The following MPP7 variants were observed in gnomAD, a reference collection of about 807,000 sequenced individuals.
The protein encoded by MPP7 is MAGUK p55 subfamily member 7.
A neutral mutation model predicts 76.5 loss-of-function variants in MPP7; 60 were observed. That is an observed-to-expected ratio of 0.78 (90% CI 0.64 to 0.97). MPP7 has a LOEUF of 0.97. Ranked by LOEUF, MPP7 falls within the 50% of genes least tolerant of loss-of-function variation. MPP7 has a pLI of 0.00. For missense variants in MPP7, 641 were observed against 694.0 expected, an observed-to-expected ratio of 0.92 and a Z score of 0.86; for synonymous variants, 237 against 244.5, an observed-to-expected ratio of 0.97 and a Z score of 0.29.
chr10:28,124,465 G>GTTTTTT (rs1564643966), intron 7 of MPP7, among the ~76,000 whole-genome samples: 2 of 98,006 alleles, frequency 2.0e-5, no homozygotes, highest in African/African-American at 8.2e-5. Context: ...GAAGAAACAA[G>GTTTTTT]ATTTTTTTTT....
chr10:28,105,446 G>T (rs892907193), intron 11 of MPP7, among the ~76,000 whole-genome samples: 2 of 152,154 alleles, frequency 1.3e-5, no homozygotes, highest in African/African-American at 4.8e-5. Context: ...GAATGGTGTG[G>T]ACTGCGATGA....
chr10:28,086,890 A>G (rs750012441), intron 12 of MPP7, among the ~76,000 whole-genome samples: 15 of 152,208 alleles, frequency 9.9e-5, no homozygotes, highest in Non-Finnish European at 1.6e-4. Context: ...TCTGAAAGGC[A>G]AACAAAACCA....
chr10:28,188,540 A>G (rs1837308428), intron 3 of MPP7, among the ~76,000 whole-genome samples: 2 of 152,182 alleles, frequency 1.3e-5, no homozygotes, highest in African/African-American at 4.8e-5. Flanking sequence ...TAACATTATC[A>G]TGAGATCATC....
At chr10:28,107,109 C>G (rs896744976) in intron 11 of MPP7, among the ~76,000 whole-genome samples, 1 of 152,140 alleles carries the variant, frequency 6.6e-6, no homozygotes, top group Non-Finnish European at 1.5e-5. Context: ...TATGATCTCA[C>G]CTTATCCAGT....
At chr10:28,128,967 T>A (rs1257616144) in intron 6 of MPP7, among the ~76,000 whole-genome samples, 2 of 152,166 alleles carry the variant, frequency 1.3e-5, no homozygotes, top group Non-Finnish European at 2.9e-5. Context: ...CCTGATAGAA[T>A]CTTCTTGCTA....
At chr10:28,264,990 G>A (rs1352735110) in intron 1 of MPP7, among the ~76,000 whole-genome samples, 8 of 152,178 alleles carry the variant, frequency 5.3e-5, no homozygotes, top group Non-Finnish European at 1.0e-4. Flanking sequence ...AGTTTCATTA[G>A]TGGAGATTAT....
At chr10:28,237,482 T>C (rs1054888073) in intron 2 of MPP7, among the ~76,000 whole-genome samples, 2 of 152,196 alleles carry the variant, frequency 1.3e-5, no homozygotes, top group Admixed American at 6.5e-5. Context: ...AAATCATTCT[T>C]GATGGATAAA....
chr10:28,275,976 C>T (rs1271430), intron 1 of MPP7, among the ~76,000 whole-genome samples: 1 of 151,358 alleles, frequency 6.6e-6, no homozygotes, highest in Non-Finnish European at 1.5e-5. Flanking sequence ...CATAGTAGGT[C>T]TGCAATAAAG....
chr10:28,320,002 G>A lies in MPP7; in HGVS notation c.-132+9927C>T, dbSNP rs193002433. Among the ~76,000 whole-genome samples, 205 of 152,038 alleles carry A rather than the reference G, an allele frequency of 1.3e-3. 1 individual carries two copies. The highest frequency in any genetic ancestry group is 4.8e-3 in the African/African-American group (198 of 41,442). On this transcript the variant is annotated intron_variant, in intron 2 of 11. Coordinates refer to the MPP7 transcript ENST00000441595. The stretch of plus-strand genomic sequence containing the variant: ...TTTTATTCACCCAAATTATTCTTTC[G>A]GTGCCCTCTATACCTCAGTAAGGGA...
At chr10:28,259,715 A>T (rs1280319418) in intron 1 of MPP7, among the ~76,000 whole-genome samples, 1 of 152,146 alleles carries the variant, frequency 6.6e-6, no homozygotes, top group Non-Finnish European at 1.5e-5. Context: ...GCAGTGGCTC[A>T]TGCCTGGAAT....
chr10:28,168,446 G>T (rs1180431434), intron 3 of MPP7, among the ~76,000 whole-genome samples: 1 of 152,066 alleles, frequency 6.6e-6, no homozygotes, highest in Admixed American at 6.6e-5. Flanking sequence ...ATGAACTGAA[G>T]TTCTTAGCTT....
At chr10:28,088,338 CT>C (rs1214016540) in intron 12 of MPP7, among the ~76,000 whole-genome samples, 3 of 152,182 alleles carry the variant, frequency 2.0e-5, no homozygotes, top group African/African-American at 7.2e-5. Flanking sequence ...GGGGAGGGAC[CT>C]GGTGGGAGGT....
At chr10:28,166,022 T>A (rs923634335) in intron 3 of MPP7, among the ~76,000 whole-genome samples, 3 of 22,118 alleles carry the variant, frequency 1.4e-4, no homozygotes, top group Non-Finnish European at 2.7e-4. Context: ...AAGACTCATC[T>A]CAAAAAAAAA....
At chr10:28,302,524 A>G (rs1589042692) in intron 1 of MPP7, among the ~76,000 whole-genome samples, 1 of 151,730 alleles carries the variant, frequency 6.6e-6, no homozygotes, top group South Asian at 2.1e-4. Flanking sequence ...CTCTGACTCA[A>G]CTCCGCAGTT....
At chr10:28,226,815 T>C (rs183530195) in intron 2 of MPP7, among the ~76,000 whole-genome samples, 50 of 152,144 alleles carry the variant, frequency 3.3e-4, no homozygotes, top group Non-Finnish European at 6.5e-4. Flanking sequence ...CCATAAAGAT[T>C]CTAAAATGAG....
At chr10:28,332,291 G>A (rs1834479032) in intron 1 of MPP7, among the ~76,000 whole-genome samples, 1 of 142,306 alleles carries the variant, frequency 7.0e-6, no homozygotes, top group Admixed American at 6.9e-5. Flanking sequence ...AATAAATTGC[G>A]GCTAATCTTG....
intron 12 of MPP7, among the ~76,000 whole-genome samples, chr10:28,081,646 T>A (rs939017377): frequency 3.9e-5 from 6 of 152,178 alleles, no homozygotes; most frequent in Non-Finnish European, 7.3e-5. Flanking sequence ...AAAAACCATA[T>A]AGCATTATGA....
chr10:28,221,187 T>A (rs762238660), intron 2 of MPP7, among the ~76,000 whole-genome samples: 6 of 152,044 alleles, frequency 3.9e-5, no homozygotes, highest in Non-Finnish European at 8.8e-5. Flanking sequence ...AAAAATAAAG[T>A]AATCTAAGCT....
chr10:28,262,877 G>A (rs1443088587), intron 1 of MPP7, among the ~76,000 whole-genome samples: 1 of 152,070 alleles, frequency 6.6e-6, no homozygotes, highest in Non-Finnish European at 1.5e-5. Flanking sequence ...CCAACATGGT[G>A]AAACCCCATC....
Sources: gnomAD v4.1 joint callset for allele counts (sites outside exome capture counted in the v4.1 genomes callset) on GRCh38, gnomAD v4.1.1 for gene constraint, MANE v1.5 for transcripts, NCBI Gene and HGNC (gene_info 2026-07-23, HGNC 2026-07-21) for gene names.